NDUFB6: variants seen among roughly 807,000 people sequenced by gnomAD.
NDUFB6 encodes NADH dehydrogenase [ubiquinone] 1 beta subcomplex subunit 6.
NDUFB6 carries 23 observed loss-of-function variants against 17.5 expected under a neutral mutation model. The ratio of observed to expected loss-of-function variants is 1.31; its 90% CI spans 0.94 to 1.86. The LOEUF is 1.86. Among genes scored for constraint, NDUFB6 ranks in the 40% most tolerant of loss-of-function variants. The pLI is 0.00. For synonymous variants in NDUFB6, 60 were observed against 53.5 expected, an observed-to-expected ratio of 1.12 and a Z score of -0.53; for missense variants, 167 against 153.8, an observed-to-expected ratio of 1.09 and a Z score of -0.46.
At chr9:32,556,711 A>G (rs1821464882) in intron 3 of NDUFB6, among the ~76,000 whole-genome samples, 1 of 152,220 alleles carries the variant, frequency 6.6e-6, no homozygotes, top group Non-Finnish European at 1.5e-5. Context: ...TAACATTTAA[A>G]TGGAATAAAT....
intron 2 of NDUFB6, chr9:32,567,294 T>A: frequency 2.1e-6 from 1 of 471,230 alleles, no homozygotes; most frequent in Non-Finnish European, 4.4e-6. Context: ...GCTAACAGCA[T>A]GTGTTCACTT....
intron 3 of NDUFB6, among the ~76,000 whole-genome samples, chr9:32,554,860 C>CAAA (rs200637896): frequency 0.012 from 1,844 of 152,216 alleles, 38 homozygotes; most frequent in African/African-American, 0.041. Context: ...AACTATTTAG[C>CAAA]AAAATATCTC....
Position 32,571,012 on chromosome 9 carries a change from T to G in NDUFB6, c.221A>C (p.His74Pro). 1 of 1,606,542 alleles carries G rather than the reference T, an allele frequency of 6.2e-7. No homozygotes were observed. The highest frequency in any genetic ancestry group is 1.3e-5 in the African/African-American group (1 of 74,680). Reference protein sequence around the residue: ...VYKKSIFVFTHVLVPVWIIHY... With the variant: ...VYKKSIFVFTPVLVPVWIIHY... ...AATAATCCAGACAGGTACAAGTACA[T>G]GAGTGAAAACAAAGATACTCTTTTT... The change falls in exon 2 of 4, where the codon CAT becomes CCT. Residue 74 changes from histidine (H) to proline (P), a missense_variant. Coordinates refer to ENST00000379847, the MANE Select transcript of NDUFB6 (RefSeq NM_002493.5).
In NDUFB6 at chr9:32,566,774, G is replaced by A. The variant is rs926396983; in HGVS notation, c.273+4186C>T. ...CCTCAGCCCGGGTGTCGGCTGCGAC[G>A]TTCTGGCTGACGTTGTACAGGAGGT... On this transcript the variant is annotated intron_variant, in intron 2 of 3. Transcript: ENST00000379847. The A allele has an allele frequency of 3.2e-5, 29 of 908,186 alleles. No individual in the cohort carries two copies. The Admixed American group carries it at 3.3e-4, about 10-fold the overall frequency. 56.3% of individuals were successfully genotyped at this position (908,186 alleles called of 1,614,324 possible). A position where few individuals can be genotyped will look rare whatever the true frequency, so the allele number is the denominator to read the frequency against.
At chr9:32,554,003 T>C (rs1821382748) in intron 3 of NDUFB6, 59 bp from the exon 4 acceptor site, 1 of 1,070,536 alleles carries the variant, frequency 9.3e-7, no homozygotes, top group Non-Finnish European at 1.4e-6. Context: ...GTGATAGTTC[T>C]ATTCTGTTCT....
chr9:32,571,426 T>G (rs1157974983), intron 1 of NDUFB6, among the ~76,000 whole-genome samples: 1 of 152,240 alleles, frequency 6.6e-6, no homozygotes. Context: ...CTACAGAATT[T>G]TTCAGGTATA....
intron 3 of NDUFB6, 68 bp downstream of exon 3, chr9:32,558,842 T>C: frequency 2.7e-6 from 3 of 1,114,010 alleles, no homozygotes; most frequent in Admixed American, 4.1e-5. Flanking sequence ...TAATAATTGC[T>C]TGGAAAGGGA....
At chr9:32,559,871 C>T (rs1414853829) in intron 2 of NDUFB6, among the ~76,000 whole-genome samples, 2 of 152,088 alleles carry the variant, frequency 1.3e-5, no homozygotes, top group Non-Finnish European at 2.9e-5. Flanking sequence ...ACTGCTGTAT[C>T]CTGGTCTTTA....
chr9:32,561,742 C>T (rs917308395), intron 2 of NDUFB6, among the ~76,000 whole-genome samples: 3 of 152,116 alleles, frequency 2.0e-5, no homozygotes, highest in African/African-American at 7.2e-5. Flanking sequence ...TTGGTTTTAT[C>T]CCCAACTTAA....
At chr9:32,555,521 C>G (rs1821431752) in intron 3 of NDUFB6, among the ~76,000 whole-genome samples, 2 of 152,226 alleles carry the variant, frequency 1.3e-5, no homozygotes, top group African/African-American at 4.8e-5. Flanking sequence ...ATAGGAAAAA[C>G]AGATACTGGC....
chr9:32,566,192 G>A (rs1821783842), intron 2 of NDUFB6: 3 of 756,980 alleles, frequency 4.0e-6, no homozygotes, highest in East Asian at 4.9e-5. Flanking sequence ...AACCTTGTCT[G>A]GGGTTTGTAG....
intron 2 of NDUFB6, among the ~76,000 whole-genome samples, chr9:32,564,531 TATAAC>T (rs1430525352): frequency 6.6e-6 from 1 of 152,114 alleles, no homozygotes; most frequent in East Asian, 1.9e-4. Flanking sequence ...AAAAGTACAT[TATAAC>T]ATGTCATTAA....
At chr9:32,571,852 A>G (rs1821947585) in intron 1 of NDUFB6, among the ~76,000 whole-genome samples, 2 of 152,226 alleles carry the variant, frequency 1.3e-5, no homozygotes, top group South Asian at 4.1e-4. Flanking sequence ...GTGGGAGAAG[A>G]GTTGAATTTT....
chr9:32,563,984 A>G (rs1207158691), intron 2 of NDUFB6, among the ~76,000 whole-genome samples: 1 of 152,204 alleles, frequency 6.6e-6, no homozygotes, highest in Non-Finnish European at 1.5e-5. Context: ...CTCCCGCCCT[A>G]GAATTGGCCA....
In NDUFB6 at chr9:32,571,036, T is replaced by C. The variant is rs1821929475; in HGVS notation, c.197A>G (p.Lys66Arg). ...PWRKMVHGVY[K>R]KSIFVFTHVL... ...ATGAGTGAAAACAAAGATACTCTTT[T>C]TGTATACCCCATGGACCTGGGGGGA... Residue 66 changes from lysine to arginine, a missense_variant, in exon 2 of 4, where the codon AAA (lysine) becomes AGA (arginine). Transcript: ENST00000379847. 1.9e-6 allele frequency: 3 copies of C among 1,603,798 alleles called. No homozygotes were observed. The highest frequency in any genetic ancestry group is 2.6e-6 in the Non-Finnish European group (3 of 1,173,934).
At chr9:32,572,417 G>C (rs796877603) in intron 1 of NDUFB6, among the ~76,000 whole-genome samples, 32 of 152,262 alleles carry the variant, frequency 2.1e-4, no homozygotes, top group African/African-American at 7.2e-4. Context: ...TGTCTTTTAC[G>C]GGGATCACAT....
Position 32,566,797 on chromosome 9 carries a change from G to C in NDUFB6, c.273+4163C>G, listed in dbSNP as rs918920209. Reference sequence around the variant, plus strand: ...ACGTTCTGGCTGACGTTGTACAGGAGGTCGGCCAGCAGTCTCTGCCTCTGT... The same window carrying C: ...ACGTTCTGGCTGACGTTGTACAGGACGTCGGCCAGCAGTCTCTGCCTCTGT... On this transcript the variant is annotated intron_variant, in intron 2 of 3. Transcript: ENST00000379847. 117 of 907,470 alleles carry C rather than the reference G, an allele frequency of 1.3e-4. 2 individuals carry two copies. The Admixed American group carries it at 2.0e-3, about 16-fold the overall frequency. 56.2% of individuals were successfully genotyped at this position (907,470 alleles called of 1,614,324 possible).
intron 1 of NDUFB6, among the ~76,000 whole-genome samples, chr9:32,571,294 ACAAGGC>A (rs763866894): frequency 6.6e-6 from 1 of 151,822 alleles, no homozygotes; most frequent in Non-Finnish European, 1.5e-5. Flanking sequence ...CAAGACTATA[ACAAGGC>A]ATTTATAGAT....
chr9:32,558,746 G>GTT (rs142936680), intron 3 of NDUFB6, among the ~76,000 whole-genome samples, 164 bp downstream of exon 3: 12 of 150,882 alleles, frequency 8.0e-5, no homozygotes, highest in East Asian at 5.9e-4. Context: ...ATTTCTTCCT[G>GTT]TTTTTTTTTG....
Sources: gnomAD v4.1 joint callset for allele counts (sites outside exome capture counted in the v4.1 genomes callset) on GRCh38, gnomAD v4.1.1 for gene constraint, MANE v1.5 for transcripts, NCBI Gene and HGNC (gene_info 2026-07-23, HGNC 2026-07-21) for gene names.